The following KDM4C variants were observed in gnomAD, a reference collection of about 807,000 sequenced individuals.
The protein encoded by KDM4C is lysine-specific demethylase 4C.
Under a neutral mutation model 129.3 loss-of-function variants are expected in KDM4C, and 81 were observed. The observed-to-expected ratio is 0.63, with a 90% CI of 0.52 to 0.75. The LOEUF (loss-of-function observed/expected upper bound fraction) is 0.75, where lower values mean the gene tolerates loss of function less well. Among genes scored for constraint, KDM4C ranks in the 30% least tolerant of loss-of-function variants. The pLI, the probability that KDM4C is intolerant of heterozygous loss-of-function variation, is 0.00. For missense variants in KDM4C, 1,457 were observed against 1,304.0 expected, an observed-to-expected ratio of 1.12 and a Z score of -1.81; for synonymous variants, 573 against 456.1, an observed-to-expected ratio of 1.26 and a Z score of -3.26.
chr9:6,803,145 G>C (rs761806232), intron 2 of KDM4C, among the ~76,000 whole-genome samples: 7 of 152,284 alleles, frequency 4.6e-5, no homozygotes, highest in African/African-American at 4.8e-5. Context: ...GGCCTGTATC[G>C]TGCCAGCAAT....
intron 17 of KDM4C, among the ~76,000 whole-genome samples, chr9:7,079,732 TATA>T (rs1834318425): frequency 6.6e-6 from 1 of 152,246 alleles, no homozygotes; most frequent in Non-Finnish European, 1.5e-5. Flanking sequence ...TAATACTTTA[TATA>T]ATAGAGATTC....
At chr9:6,929,223 C>G (rs573956351) in intron 8 of KDM4C, among the ~76,000 whole-genome samples, 5 of 152,228 alleles carry the variant, frequency 3.3e-5, no homozygotes, top group East Asian at 3.9e-4. Context: ...TGTCTAATAT[C>G]TGTTATAGGT....
At chr9:6,742,182 A>C (rs1173216510) in intron 1 of KDM4C, among the ~76,000 whole-genome samples, 1 of 149,384 alleles carries the variant, frequency 6.7e-6, no homozygotes, top group Non-Finnish European at 1.5e-5. Context: ...CATGTTAGTC[A>C]GGCTGGTCTT....
intron 18 of KDM4C, among the ~76,000 whole-genome samples, chr9:7,108,663 G>A (rs1168239466): frequency 6.6e-6 from 1 of 152,166 alleles, no homozygotes; most frequent in Admixed American, 6.5e-5. Flanking sequence ...AGAATCTGGT[G>A]AAGGGCTCAA....
chr9:6,978,109 C>A (rs558503710), intron 8 of KDM4C, among the ~76,000 whole-genome samples: 6 of 152,206 alleles, frequency 3.9e-5, no homozygotes, highest in African/African-American at 1.4e-4. Context: ...CTATTGTCAG[C>A]CCCATGAGGA....
chr9:6,742,682 T>TA (rs1554666046), intron 1 of KDM4C, among the ~76,000 whole-genome samples: 2 of 6,622 alleles, frequency 3.0e-4, no homozygotes, highest in Non-Finnish European at 4.5e-4. Context: ...GGGTGGGGAA[T>TA]TTTTTTTTTT....
At chr9:6,951,361 T>C (rs1029737912) in intron 8 of KDM4C, among the ~76,000 whole-genome samples, 4 of 152,216 alleles carry the variant, frequency 2.6e-5, no homozygotes, top group African/African-American at 9.6e-5. Context: ...GATAATAAAC[T>C]CTGTCTTCTG....
chr9:6,754,749 G>A (rs745545128), upstream of KDM4C, among the ~76,000 whole-genome samples: 5 of 151,684 alleles, frequency 3.3e-5, no homozygotes, highest in African/African-American at 9.7e-5. Context: ...GGTGGTGTGC[G>A]CTTGTAGTCC....
At chr9:7,151,033 A>G (rs1271003216) in intron 19 of KDM4C, among the ~76,000 whole-genome samples, 1 of 152,178 alleles carries the variant, frequency 6.6e-6, no homozygotes, top group Non-Finnish European at 1.5e-5. Context: ...GCAGCGGACC[A>G]GGCACTGTGG....
At chr9:7,107,023 C>G (rs1380795584) in intron 18 of KDM4C, among the ~76,000 whole-genome samples, 1 of 151,938 alleles carries the variant, frequency 6.6e-6, no homozygotes. Flanking sequence ...TTATTTCAAC[C>G]TAAATTTTTA....
At chr9:6,879,153 G>T (rs1360108228) in intron 5 of KDM4C, among the ~76,000 whole-genome samples, 1 of 152,096 alleles carries the variant, frequency 6.6e-6, no homozygotes, top group Non-Finnish European at 1.5e-5. Context: ...TATTGAGCTA[G>T]TAAGTACAGC....
At chr9:6,980,556 C>T (rs1003028503) in intron 8 of KDM4C, among the ~76,000 whole-genome samples, 1 of 152,148 alleles carries the variant, frequency 6.6e-6, no homozygotes, top group Non-Finnish European at 1.5e-5. Context: ...TATTTGTTGA[C>T]AACCCAGGTT....
chr9:6,928,148 C>G (rs748198789), intron 8 of KDM4C, among the ~76,000 whole-genome samples: 1 of 152,136 alleles, frequency 6.6e-6, no homozygotes, highest in Non-Finnish European at 1.5e-5. Flanking sequence ...GTTCTTCATC[C>G]TCATGTTACT....
chr9:7,167,416 T>C (rs1160489275), intron 20 of KDM4C, among the ~76,000 whole-genome samples: 1 of 152,180 alleles, frequency 6.6e-6, no homozygotes, highest in African/African-American at 2.4e-5. Flanking sequence ...TTTTCGATGT[T>C]TTAAGTGGTC....
chr9:7,171,786 C>G (rs1418866598), intron 21 of KDM4C, among the ~76,000 whole-genome samples: 2 of 152,094 alleles, frequency 1.3e-5, no homozygotes, highest in East Asian at 3.9e-4. Context: ...GTCTATTTCA[C>G]TGAACAAGCT....
At chr9:7,067,653 G>T (rs955918602) in intron 17 of KDM4C, among the ~76,000 whole-genome samples, 3 of 152,048 alleles carry the variant, frequency 2.0e-5, no homozygotes, top group African/African-American at 7.2e-5. Flanking sequence ...ATTTTCAAAG[G>T]CCTGTTGTTT....
In KDM4C at chr9:6,873,585, C is replaced by T. The variant is rs375260668; in HGVS notation, c.630-6427C>T. Among the ~76,000 whole-genome samples, 39 of 152,328 alleles carry T rather than the reference C, an allele frequency of 2.6e-4. No homozygotes were observed. The South Asian group carries it at 7.9e-3, about 31-fold the overall frequency. The stretch of plus-strand genomic sequence containing the variant: ...CAGCTTTTATTCTGCAGCTTCTTCA[C>T]CTCTCTCAGTCTTCATAGAATTGAA... On this transcript the variant is annotated intron_variant, in intron 5 of 21. Transcript: ENST00000381309.
chr9:6,915,690 A>G (rs568512620), intron 8 of KDM4C, among the ~76,000 whole-genome samples: 33 of 152,254 alleles, frequency 2.2e-4, no homozygotes, highest in African/African-American at 6.3e-4. Context: ...CAATTTGTAT[A>G]TTCCTTGGAC....
chr9:6,955,843 A>G (rs753099487), intron 8 of KDM4C, among the ~76,000 whole-genome samples: 3 of 152,232 alleles, frequency 2.0e-5, no homozygotes, highest in Non-Finnish European at 2.9e-5. Flanking sequence ...CAGATGGAAC[A>G]CAGTGACGCT....
Sources: gnomAD v4.1 joint callset for allele counts (sites outside exome capture counted in the v4.1 genomes callset) on GRCh38, gnomAD v4.1.1 for gene constraint, MANE v1.5 for transcripts, NCBI Gene and HGNC (gene_info 2026-07-23, HGNC 2026-07-21) for gene names.